N4BP2: variants seen among roughly 807,000 people sequenced by gnomAD.
N4BP2 encodes the protein NEDD4 binding protein 2.
In N4BP2, 91 loss-of-function variants were observed where a neutral mutation model predicts 152.8. That is an observed-to-expected ratio of 0.60 (90% CI 0.50 to 0.71). The LOEUF is 0.71. Among genes scored for constraint, N4BP2 ranks in the 30% least tolerant of loss-of-function variants. N4BP2 has a pLI of 0.00. For missense variants in N4BP2, 1,923 were observed against 2,059.1 expected, an observed-to-expected ratio of 0.93 and a Z score of 1.28; for synonymous variants, 646 against 705.3, an observed-to-expected ratio of 0.92 and a Z score of 1.33.
chr4:40,126,126 C>A lies in N4BP2; in HGVS notation c.4331-8C>A. ...TGAGAGTATGACAGTATTTATACTA[C>A]TTTGTAGATCCTTCCTTGGTTGGAC... On this transcript the variant is annotated splice_region_variant and splice_polypyrimidine_tract_variant and intron_variant, in intron 11 of 17. Transcript: ENST00000261435. 2 of 1,548,810 alleles carry A rather than the reference C, an allele frequency of 1.3e-6. No individual in the cohort carries two copies. The highest frequency in any genetic ancestry group is 2.5e-5 in the South Asian group (2 of 80,116).
At chr4:40,063,343 C>T (rs147139946) in intron 1 of N4BP2, among the ~76,000 whole-genome samples, 189 of 152,310 alleles carry the variant, frequency 1.2e-3, no homozygotes, top group Middle Eastern at 3.4e-3. Context: ...TACTTATACT[C>T]TGTGCATACT....
chr4:40,132,689 A>T (rs1482307443), intron 13 of N4BP2, among the ~76,000 whole-genome samples: 4 of 152,152 alleles, frequency 2.6e-5, no homozygotes, highest in African/African-American at 9.6e-5. Flanking sequence ...TATTTTTCTT[A>T]AATTCTTCAC....
chr4:40,148,031 C>T (rs9991110), intron 16 of N4BP2, among the ~76,000 whole-genome samples: 1 of 152,192 alleles, frequency 6.6e-6, no homozygotes, highest in African/African-American at 2.4e-5. Context: ...AGGGGCTCCT[C>T]ACATCCCAGA....
chr4:40,167,821 C>CT, the N4BP2 span: 2 of 152,074 alleles, frequency 1.3e-5, no homozygotes, highest in African/African-American at 4.8e-5. Flanking sequence ...AATAAAGACT[C>CT]TTAAGATAAA....
chr4:40,061,492 G>A (rs1733649015), intron 1 of N4BP2, among the ~76,000 whole-genome samples: 1 of 151,910 alleles, frequency 6.6e-6, no homozygotes, highest in South Asian at 2.1e-4. Context: ...AGCCTCCCAA[G>A]TAGCTGGGAT....
chr4:40,110,407 T>C (rs943837573), intron 5 of N4BP2, among the ~76,000 whole-genome samples: 2 of 152,220 alleles, frequency 1.3e-5, no homozygotes, highest in African/African-American at 2.4e-5. Context: ...CCAACACTTG[T>C]TATTGTCCGT....
In N4BP2 at chr4:40,137,032, C is replaced by A. The variant is rs1405904501; in HGVS notation, c.4735C>A (p.Gln1579Lys). The change falls in exon 14 of 18, where the codon CAA (glutamine) becomes AAA (lysine). Residue 1579 changes from glutamine (Q) to lysine (K), a missense_variant. Transcript: ENST00000261435. ...AGTTGTAGCCCAAGAGTTTGTTCAC[C>A]AAAATGAGAATGTCACATCTCATAC... ...KTVVAQEFVH[Q>K]NENVTSHTGQ... 1 of 1,613,560 alleles carries A rather than the reference C, an allele frequency of 6.2e-7. No homozygotes were observed. The highest frequency in any genetic ancestry group is 1.3e-5 in the African/African-American group (1 of 74,944).
At chr4:40,138,647 T>A (rs1359786495) in intron 14 of N4BP2, among the ~76,000 whole-genome samples, 2 of 152,356 alleles carry the variant, frequency 1.3e-5, no homozygotes, top group Admixed American at 6.5e-5. Context: ...TTGTACCATT[T>A]GTTACAAAGA....
chr4:40,171,973 C>G, the N4BP2 span, among the ~76,000 whole-genome samples: 1 of 152,206 alleles, frequency 6.6e-6, no homozygotes, highest in East Asian at 1.9e-4. Context: ...TAGGCGCGAT[C>G]TCAGCTCACT....
At chr4:40,160,546 G>A (rs534087139), downstream of N4BP2, among the ~76,000 whole-genome samples, 32 of 152,306 alleles carry the variant, frequency 2.1e-4, no homozygotes, top group Middle Eastern at 3.4e-3. Context: ...AAGCTATGAT[G>A]TTCAGTAGCT....
At chr4:40,190,079 C>T in the N4BP2 span, among the ~76,000 whole-genome samples, 72 of 152,304 alleles carry the variant, frequency 4.7e-4, no homozygotes, top group East Asian at 0.012. Flanking sequence ...ATCCCCCTTC[C>T]TTACTTTGCT....
Position 40,092,746 on chromosome 4 carries a change from C to T in N4BP2, c.-114-4481C>T, listed in dbSNP as rs375610531. On this transcript the variant is annotated intron_variant, in intron 2 of 17. Coordinates refer to ENST00000261435, the MANE Select transcript of N4BP2 (RefSeq NM_018177.6). ...GCAGCCTCCACCTACTGGGTTCAAACGATTCTCTTGTCTCAGCCTCCCAAG... is the reference window on the plus strand; with the variant it reads ...GCAGCCTCCACCTACTGGGTTCAAATGATTCTCTTGTCTCAGCCTCCCAAG... Among the ~76,000 whole-genome samples the T allele has an allele frequency of 7.7e-4, 117 of 151,038 alleles. 2 individuals are homozygous for T. The South Asian group carries it at 0.015, about 19-fold the overall frequency.
At chr4:40,183,606 G>A in the N4BP2 span, among the ~76,000 whole-genome samples, 1 of 152,336 alleles carries the variant, frequency 6.6e-6, no homozygotes, top group African/African-American at 2.4e-5. Context: ...AAAGTGCCGG[G>A]ATTACAGGCG....
chr4:40,116,460 G>A, intron 7 of N4BP2, among the ~76,000 whole-genome samples: 1 of 151,818 alleles, frequency 6.6e-6, no homozygotes, highest in East Asian at 1.9e-4. Context: ...CCAAATTTTT[G>A]TATTAAATTT....
chr4:40,088,363 T>C (rs1013812825), intron 2 of N4BP2, among the ~76,000 whole-genome samples: 11 of 152,158 alleles, frequency 7.2e-5, no homozygotes, highest in African/African-American at 2.4e-4. Flanking sequence ...CTGCAGAATA[T>C]TTTTCAGAGT....
the N4BP2 span, among the ~76,000 whole-genome samples, chr4:40,168,987 A>G: frequency 1.3e-5 from 2 of 152,002 alleles, no homozygotes; most frequent in African/African-American, 4.8e-5. Flanking sequence ...CTGCCTCCCA[A>G]AGTGCTGGGA....
Position 40,144,717 on chromosome 4 carries a change from C to T in N4BP2, c.5060C>T (p.Pro1687Leu). Residue 1687 changes from proline (P) to leucine (L), a missense_variant, in exon 16 of 18, where the codon CCA becomes CTA. Physicochemically the swap from Pro to Leu is moderately conservative, Grantham distance 98. Transcript: ENST00000261435. ...IFEKVNASLL[P>L]QNVLDLHGLH... ...GAGAAAGTCAATGCTTCGCTGCTGC[C>T]ACAGAATGTTTTAGACCTCCATGGG... The T allele has an allele frequency of 6.2e-7, 1 of 1,614,040 alleles. No individual in the cohort carries two copies. The highest frequency in any genetic ancestry group is 8.5e-7 in the Non-Finnish European group (1 of 1,179,982).
chr4:40,183,062 A>C, the N4BP2 span, among the ~76,000 whole-genome samples: 1 of 152,184 alleles, frequency 6.6e-6, no homozygotes, highest in Non-Finnish European at 1.5e-5. Context: ...ATGTTACCCT[A>C]AGACAATTCC....
intron 11 of N4BP2, among the ~76,000 whole-genome samples, chr4:40,125,090 G>A (rs1454610645): frequency 6.6e-6 from 1 of 152,144 alleles, no homozygotes; most frequent in Non-Finnish European, 1.5e-5. Flanking sequence ...AGTCCACACT[G>A]GGACCAAGGC....
Sources: gnomAD v4.1 joint callset for allele counts (sites outside exome capture counted in the v4.1 genomes callset) on GRCh38, gnomAD v4.1.1 for gene constraint, MANE v1.5 for transcripts, NCBI Gene and HGNC (gene_info 2026-07-23, HGNC 2026-07-21) for gene names.